Variants in ANXA1 observed in about 807,000 individuals in gnomAD.
ANXA1 encodes the protein annexin I (lipocortin I).
In ANXA1, 39 loss-of-function variants were observed where a neutral mutation model predicts 47.9. The ratio of observed to expected loss-of-function variants is 0.81; its 90% CI spans 0.63 to 1.06. ANXA1 has a LOEUF of 1.06. Ranked by LOEUF, ANXA1 falls within the 50% of genes least tolerant of loss-of-function variation. The pLI, the probability that ANXA1 is intolerant of heterozygous loss-of-function variation, is 0.00. For missense variants in ANXA1, 446 were observed against 422.7 expected (o/e 1.06, Z -0.48); for synonymous variants, 146 against 142.5 (o/e 1.02, Z -0.17).
chr9:73,157,148 G>T (rs191291837), intron 1 of ANXA1, among the ~76,000 whole-genome samples: 26 of 152,118 alleles, frequency 1.7e-4, no homozygotes, highest in Non-Finnish European at 7.4e-5. Flanking sequence ...TTTTGTGTTG[G>T]GTGGGAAAAT....
chr9:73,152,622 A>G (rs1176459010), intron 1 of ANXA1, among the ~76,000 whole-genome samples: 2 of 152,320 alleles, frequency 1.3e-5, no homozygotes, highest in East Asian at 3.9e-4. Context: ...AAACCTAAAA[A>G]GAAGGGAAAT....
chr9:73,166,339 C>A, intron 10 of ANXA1, 147 bp downstream of exon 10: 2 of 602,250 alleles, frequency 3.3e-6, no homozygotes, highest in East Asian at 2.8e-5. Flanking sequence ...ATTGAAGCAA[C>A]GTAAAAGATT....
chr9:73,159,386 A>C lies in ANXA1; in HGVS notation c.233A>C (p.Gln78Pro). 1 of 1,613,374 alleles carries C rather than the reference A, an allele frequency of 6.2e-7. No individual in the cohort carries two copies. Among genetic ancestry groups the C allele is most frequent in the Non-Finnish European group, 8.5e-7 (1 of 1,179,490 alleles). The part of the protein sequence containing the change: ...ILTKRNNAQR[Q>P]QIKAAYLQET... ...ACTAAGCGAAACAATGCACAGCGTC[A>C]ACAGATCAAAGCAGCATATCTCCAG... Residue 78 changes from glutamine to proline, a missense_variant, in exon 4 of 13, where the codon CAA (glutamine) becomes CCA (proline). By Grantham distance (76) the Gln-to-Pro change is moderately conservative. Transcript: ENST00000257497.
chr9:73,158,539 G>A lies in ANXA1; in HGVS notation c.4G>A (p.Ala2Thr). ...CTTTCCAGACACTTTTTCAAAAATGGCAATGGTATCAGAATTCCTCAAGCA... is the reference window on the plus strand; with the variant it reads ...CTTTCCAGACACTTTTTCAAAAATGACAATGGTATCAGAATTCCTCAAGCA... M[A>T]MVSEFLKQAW... Residue 2 changes from alanine (A) to threonine (T), a missense_variant, in exon 2 of 13, where the codon GCA becomes ACA. Physicochemically the swap from Ala to Thr is moderately conservative, Grantham distance 58. Transcript: ENST00000257497. The A allele has an allele frequency of 6.2e-7, 1 of 1,613,390 alleles. No individual in the cohort carries two copies. The highest frequency in any genetic ancestry group is 1.1e-5 in the South Asian group (1 of 91,056).
chr9:73,152,876 A>C (rs886294389), intron 1 of ANXA1, among the ~76,000 whole-genome samples: 2 of 152,178 alleles, frequency 1.3e-5, no homozygotes, highest in African/African-American at 4.8e-5. Context: ...CGTTCATTTT[A>C]AATATTTATT....
intron 1 of ANXA1, 157 bp from the exon 2 acceptor site, chr9:73,158,365 G>A (rs975088152): frequency 1.4e-5 from 8 of 580,524 alleles, no homozygotes; most frequent in African/African-American, 9.3e-5. Flanking sequence ...AAAAAATTAC[G>A]TCTTACATTT....
In ANXA1 at chr9:73,165,691, T is replaced by G. The variant is rs545130767; in HGVS notation, c.707-406T>G. 10 of 171,342 alleles carry G rather than the reference T, an allele frequency of 5.8e-5. No homozygotes were observed. The South Asian group carries it at 1.4e-3, about 24-fold the overall frequency. The allele number at this position is 171,342 out of a possible 1,614,324, so 10.6% of individuals were successfully genotyped here. On this transcript the variant is annotated intron_variant, in intron 9 of 12. Coordinates refer to ENST00000257497, the MANE Select transcript of ANXA1 (RefSeq NM_000700.3). ...GGAAGTGAAGGCGATGGAAAAGTTA[T>G]GACAATTACCAAAGTTCACCATCTT...
chr9:73,163,425 A>G (rs753885351), intron 7 of ANXA1, 51 bp from the exon 8 acceptor site: 1 of 1,511,836 alleles, frequency 6.6e-7, no homozygotes, highest in South Asian at 1.2e-5. Context: ...TAAGTAAATC[A>G]TGCAATTACA....
At chr9:73,158,416 C>G (rs1824083144) in intron 1 of ANXA1, 106 bp from the exon 2 acceptor site, 4 of 826,698 alleles carry the variant, frequency 4.8e-6, no homozygotes, top group Non-Finnish European at 7.7e-6. Flanking sequence ...AAAGTAAGCG[C>G]AAGGCTACTC....
In ANXA1 at chr9:73,160,347, G is replaced by A. The variant is rs766978843; in HGVS notation, c.355G>A (p.Asp119Asn). 1 of 1,584,972 alleles carries A rather than the reference G, an allele frequency of 6.3e-7. No homozygotes were observed. The highest frequency in any genetic ancestry group is 8.5e-7 in the Non-Finnish European group (1 of 1,171,172). Residue 119 changes from aspartate to asparagine, a missense_variant, in exon 5 of 13, where the codon GAT becomes AAT. Transcript: ENST00000257497. ...TCTGCTAAAAACTCCAGCGCAATTT[G>A]ATGCTGATGAACTTCGTGCTGCCAT... The part of the protein sequence containing the change: ...LALLKTPAQF[D>N]ADELRAAMKG...
rs550581249 is a variant in ANXA1 at position 73,169,848 on chromosome 9, T to C, written c.985-203T>C. 9.9e-5 allele frequency among the ~76,000 whole-genome samples: 15 copies of C among 152,238 alleles called. No individual in the cohort carries two copies. In the South Asian group the frequency reaches 3.1e-3, roughly 32 times the overall value. On this transcript the variant is annotated intron_variant, in intron 12 of 12. Coordinates refer to ENST00000257497, the MANE Select transcript of ANXA1 (RefSeq NM_000700.3). ...TAAAACATAATTAATTCAGAAAAGT[T>C]TGTAATCTCAGTCTTGAAGGCTATT...
chr9:73,158,667 C>T (rs1824088000), intron 2 of ANXA1, 28 bp from the exon 3 acceptor site: 2 of 1,610,076 alleles, frequency 1.2e-6, no homozygotes, highest in South Asian at 1.1e-5. Context: ...AGTAAATGGC[C>T]ATTAATTTAT....
intron 4 of ANXA1, 164 bp downstream of exon 4, chr9:73,159,587 A>G (rs1824104689): frequency 1.9e-6 from 1 of 515,806 alleles, no homozygotes; most frequent in African/African-American, 2.0e-5. Flanking sequence ...AATTTAATCA[A>G]TTTTATCAAA....
chr9:73,166,454 C>A (rs969777641), intron 10 of ANXA1, among the ~76,000 whole-genome samples: 1 of 151,944 alleles, frequency 6.6e-6, no homozygotes, highest in Middle Eastern at 3.2e-3. Context: ...AAACAATGTA[C>A]CAGGCTGGGC....
intron 10 of ANXA1, among the ~76,000 whole-genome samples, chr9:73,166,416 C>T (rs1824230660): frequency 6.6e-6 from 1 of 152,058 alleles, no homozygotes; most frequent in South Asian, 2.1e-4. Flanking sequence ...GAGAGATAGA[C>T]TATACTTATT....
At position 73,170,326 on chromosome 9, in the gene ANXA1, G is replaced by A. The variant is rs1417021534; in HGVS notation, c.*219G>A. 2.7e-6 allele frequency: 1 copy of A among 365,042 alleles called. No homozygotes were observed. Among genetic ancestry groups the A allele is most frequent in the East Asian group, 4.1e-5 (1 of 24,618 alleles). The allele number at this position is 365,042 out of a possible 1,614,324, so 22.6% of individuals were successfully genotyped here. ...CCCCAAACCATAAAACCCTATACAA[G>A]TTGTTCTAGTAACAATACATGAGAA... On this transcript the variant is annotated 3_prime_UTR_variant, in exon 13 of 13. Transcript: ENST00000257497.
intron 6 of ANXA1, among the ~76,000 whole-genome samples, 193 bp downstream of exon 6, chr9:73,161,086 G>A (rs1348784098): frequency 6.6e-6 from 1 of 152,138 alleles, no homozygotes; most frequent in Non-Finnish European, 1.5e-5. Context: ...TTGCTGACAA[G>A]GGAGATGGTG....
intron 11 of ANXA1, 143 bp from the exon 12 acceptor site, chr9:73,168,889 G>GTGTGTGTC: frequency 1.6e-6 from 1 of 621,470 alleles, no homozygotes; most frequent in South Asian, 1.9e-5. Context: ...AGGTGTGTGT[G>GTGTGTGTC]TGTGTGTGTG....
chr9:73,162,998 G>C, intron 7 of ANXA1, 137 bp downstream of exon 7: 1 of 706,678 alleles, frequency 1.4e-6, no homozygotes, highest in Non-Finnish European at 2.3e-6. Context: ...TCAGGATTCT[G>C]ATGGCTAACA....
Sources: allele counts gnomAD v4.1 joint callset (sites outside exome capture counted in the v4.1 genomes callset), GRCh38; gene constraint gnomAD v4.1.1; transcripts MANE v1.5; gene names NCBI Gene and HGNC (gene_info 2026-07-23, HGNC 2026-07-21).